Variants in GATC observed in about 807,000 individuals in gnomAD.
The protein encoded by GATC is glutamyl-tRNA amidotransferase subunit C.
A neutral mutation model predicts 14.4 loss-of-function variants in GATC; 11 were observed. The observed-to-expected ratio is 0.77, with a 90% CI of 0.48 to 1.27. The LOEUF (loss-of-function observed/expected upper bound fraction) is 1.27, where lower values mean the gene tolerates loss of function less well. Ranked by LOEUF, GATC falls within the 50% of genes most tolerant of loss-of-function variation. The pLI, the probability that GATC is intolerant of heterozygous loss-of-function variation, is 0.00. For synonymous variants in GATC, 76 were observed against 79.3 expected, an observed-to-expected ratio of 0.96 and a Z score of 0.22; for missense variants, 204 against 183.0, an observed-to-expected ratio of 1.11 and a Z score of -0.66.
At position 120,457,148 on chromosome 12, in the gene GATC, C is replaced by A. The variant is rs763975149; in HGVS notation, c.327C>A (p.Arg109=). 9 of 1,613,896 alleles carry A rather than the reference C, an allele frequency of 5.6e-6. 1 individual carries two copies. The South Asian group carries it at 8.8e-5, about 16-fold the overall frequency. Residue 109 remains arginine (R), a synonymous_variant, in exon 3 of 4, where the codon CGC becomes CGA. Coordinates refer to ENST00000551765, the MANE Select transcript of GATC (RefSeq NM_176818.3). ...ATGAATTACTACAAAACTCCCATCGCGTCGTGGAGGAGTACTTTGTGGCCC... is the reference window on the plus strand; with the variant it reads ...ATGAATTACTACAAAACTCCCATCGAGTCGTGGAGGAGTACTTTGTGGCCC... ...CADELLQNSH[R]VVEEYFVAPP... is the part of the protein sequence containing the mutation.
chr12:120,451,921 A>G (rs950545706), intron 2 of GATC, among the ~76,000 whole-genome samples: 1 of 121,892 alleles, frequency 8.2e-6, no homozygotes, highest in African/African-American at 3.3e-5. Flanking sequence ...TCTGTCGTCC[A>G]GGCTGGATGC....
chr12:120,446,950 C>T, intron 2 of GATC, 121 bp downstream of exon 2: 1 of 882,838 alleles, frequency 1.1e-6, no homozygotes, highest in Non-Finnish European at 1.7e-6. Context: ...AGGAACTTGC[C>T]CACAGTCACC....
At position 120,463,087 on chromosome 12, in the gene GATC, A is replaced by G. The variant is rs1333273665; in HGVS notation, c.*3128A>G. ...GTGTCCCCAAACATCCGTAAATCTC[A>G]TAGTAAGGCAGGACAGGATAACCAG... is the stretch of plus-strand genomic sequence containing the variant. On this transcript the variant is annotated 3_prime_UTR_variant, in exon 4 of 4. Transcript: ENST00000551765. The G allele has an allele frequency of 6.6e-6, 1 of 151,044 alleles. No homozygotes were observed. The highest frequency in any genetic ancestry group is 2.5e-5 in the African/African-American group (1 of 40,782). 9.4% of individuals were successfully genotyped at this position (151,044 alleles called of 1,614,324 possible). A position where few individuals can be genotyped will look rare whatever the true frequency, so the allele number is the denominator to read the frequency against.
Position 120,461,477 on chromosome 12 carries a change from A to G in GATC, c.*1518A>G, listed in dbSNP as rs544420072. The G allele has an allele frequency of 6.6e-6, 1 of 152,314 alleles. No homozygotes were observed. The highest frequency in any genetic ancestry group is 2.1e-4 in the South Asian group (1 of 4,832). The allele number at this position is 152,314 out of a possible 1,614,324, so 9.4% of individuals were successfully genotyped here. The stretch of plus-strand genomic sequence containing the variant: ...TACAAGCTTGGCCTTGAATTAAAAG[A>G]GAACCCAGAACCCGCTCTTGGAGTT... On this transcript the variant is annotated 3_prime_UTR_variant, in exon 4 of 4. Transcript: ENST00000551765.
chr12:120,446,716 C>T lies in GATC; in HGVS notation c.141C>T (p.Asp47=), dbSNP rs1300739484. Residue 47 remains aspartate (D), a synonymous_variant, in exon 2 of 4, where the codon GAC becomes GAT. Transcript: ENST00000551765. ...IEHLERLALV[D]FGSREAVARL... Reference sequence around the variant, plus strand: ...ACCTGGAGCGTCTAGCGCTTGTGGACTTCGGCAGCCGCGAGGCAGTGGCGC... The same window carrying T: ...ACCTGGAGCGTCTAGCGCTTGTGGATTTCGGCAGCCGCGAGGCAGTGGCGC... 3 of 1,613,834 alleles carry T rather than the reference C, an allele frequency of 1.9e-6. No homozygotes were observed. Among genetic ancestry groups the T allele is most frequent in the Non-Finnish European group, 2.5e-6 (3 of 1,180,020 alleles).
At chr12:120,450,099 C>G (rs546354659) in intron 2 of GATC, among the ~76,000 whole-genome samples, 2 of 152,224 alleles carry the variant, frequency 1.3e-5, no homozygotes, top group East Asian at 3.9e-4. Flanking sequence ...AAAGGAGGGA[C>G]TAGAAGCACA....
At chr12:120,458,754 G>A (rs563966840) in intron 3 of GATC, among the ~76,000 whole-genome samples, 1 of 152,186 alleles carries the variant, frequency 6.6e-6, no homozygotes, top group Non-Finnish European at 1.5e-5. Flanking sequence ...GAATCATTCT[G>A]AGCAGACTCC....
chr12:120,457,038 T>C (rs762085725), intron 2 of GATC, 38 bp from the exon 3 acceptor site: 24 of 1,426,676 alleles, frequency 1.7e-5, no homozygotes, highest in Non-Finnish European at 2.2e-5. Flanking sequence ...AAAGCCCCCT[T>C]CTCTGAGAGG....
chr12:120,446,929 T>G (rs1877887403), intron 2 of GATC, 100 bp downstream of exon 2: 2 of 1,230,066 alleles, frequency 1.6e-6, no homozygotes, highest in South Asian at 3.1e-5. Flanking sequence ...TAAAGAGTGT[T>G]AGCAAGATTC....
chr12:120,446,768 G>T lies in GATC; in HGVS notation c.193G>T (p.Asp65Tyr), dbSNP rs146903010. ...ACTGGAGAAAGCTATCGCCTTCGCC[G>T]ACCGGCTACGCGCCGTGGACACAGA... ...ARLEKAIAFA[D>Y]RLRAVDTDGV... Residue 65 changes from aspartate to tyrosine, a missense_variant, in exon 2 of 4, where the codon GAC (aspartate) becomes TAC (tyrosine). Coordinates refer to ENST00000551765, the MANE Select transcript of GATC (RefSeq NM_176818.3). 1.5e-4 allele frequency: 246 copies of T among 1,614,028 alleles called. 2 individuals are homozygous for T. The East Asian group carries it at 3.7e-3, about 24-fold the overall frequency.
At chr12:120,446,871 G>A in intron 2 of GATC, 42 bp downstream of exon 2, 9 of 1,534,278 alleles carry the variant, frequency 5.9e-6, no homozygotes, top group Non-Finnish European at 7.9e-6. Flanking sequence ...ACCGTGGCCC[G>A]TTCGCAGCCG....
chr12:120,448,564 A>G (rs1877942832), intron 2 of GATC, among the ~76,000 whole-genome samples: 1 of 142,082 alleles, frequency 7.0e-6, no homozygotes, highest in African/African-American at 2.6e-5. Flanking sequence ...CCTGGCCTCA[A>G]GTGATCCGCC....
In GATC at chr12:120,457,628, C is replaced by T. The variant is rs973657013; in HGVS notation, c.358+449C>T. 6.2e-5 allele frequency among the ~76,000 whole-genome samples: 7 copies of T among 113,036 alleles called. No individual in the cohort carries two copies. In the East Asian group the frequency reaches 1.3e-3, roughly 21 times the overall value. 74.2% of individuals were successfully genotyped at this position (113,036 alleles called of 152,430 possible). On this transcript the variant is annotated intron_variant, in intron 3 of 3. Transcript: ENST00000551765. ...TTTTTTTTTTTTTTTTTTTTTGAGA[C>T]GGAGTTTCGCTCTTGTTGCCCAGGC...
intron 3 of GATC, among the ~76,000 whole-genome samples, chr12:120,457,391 A>T (rs180726031): frequency 6.6e-6 from 1 of 151,922 alleles, no homozygotes; most frequent in East Asian, 2.0e-4. Flanking sequence ...GATTGGGGGC[A>T]TGCGGGAGGT....
intron 2 of GATC, chr12:120,454,890 T>C (rs113016750): frequency 7.1e-6 from 2 of 280,750 alleles, no homozygotes; most frequent in Non-Finnish European, 1.5e-5. Context: ...CAACTCTCTT[T>C]TGTGTGTGTG....
Position 120,460,658 on chromosome 12 carries a change from TTGAGA to T in GATC, c.*704_*708del, listed in dbSNP as rs1878310120. On this transcript the variant is annotated 3_prime_UTR_variant, in exon 4 of 4. Transcript: ENST00000551765. ...CTCCGCCCCCAAAATGATTATTAAATTGAGATGAGTCCAGGATAAAACTCAGATAC... is the reference window on the plus strand; with the variant it reads ...CTCCGCCCCCAAAATGATTATTAAATTGAGTCCAGGATAAAACTCAGATAC... The T allele has an allele frequency of 6.6e-6, 1 of 152,102 alleles. No homozygotes were observed. The highest frequency in any genetic ancestry group is 1.5e-5 in the Non-Finnish European group (1 of 68,026). The allele number at this position is 152,102 out of a possible 1,614,324, so 9.4% of individuals were successfully genotyped here. A position where few individuals can be genotyped will look rare whatever the true frequency, so the allele number is the denominator to read the frequency against.
At position 120,462,240 on chromosome 12, in the gene GATC, A is replaced by G. The variant is rs1878366165; in HGVS notation, c.*2281A>G. The G allele has an allele frequency of 1.4e-6, 2 of 1,465,252 alleles. No individual in the cohort carries two copies. Among genetic ancestry groups the G allele is most frequent in the Non-Finnish European group, 1.9e-6 (2 of 1,080,988 alleles). The allele number at this position is 1,465,252 out of a possible 1,614,324, so 90.8% of individuals were successfully genotyped here. A position where few individuals can be genotyped will look rare whatever the true frequency, so the allele number is the denominator to read the frequency against. Reference sequence around the variant, plus strand: ...AAGAATAAGCAAACCAACATCTAACAATAATAGTTAAGTATTGAGCACTTA... The same window carrying G: ...AAGAATAAGCAAACCAACATCTAACGATAATAGTTAAGTATTGAGCACTTA... On this transcript the variant is annotated 3_prime_UTR_variant, in exon 4 of 4. Coordinates refer to ENST00000551765, the MANE Select transcript of GATC (RefSeq NM_176818.3).
At chr12:120,448,829 A>G (rs990577043) in intron 2 of GATC, among the ~76,000 whole-genome samples, 5 of 150,654 alleles carry the variant, frequency 3.3e-5, no homozygotes, top group East Asian at 2.0e-4. Context: ...TATTTTTAAT[A>G]GAGACGGGGT....
At chr12:120,454,181 G>C (rs995009529) in intron 2 of GATC, among the ~76,000 whole-genome samples, 4 of 152,176 alleles carry the variant, frequency 2.6e-5, no homozygotes, top group Non-Finnish European at 5.9e-5. Context: ...GACTTTGAAT[G>C]AGTGGTAGGG....
Sources: gnomAD v4.1 joint callset for allele counts (sites outside exome capture counted in the v4.1 genomes callset) on GRCh38, gnomAD v4.1.1 for gene constraint, MANE v1.5 for transcripts, NCBI Gene and HGNC (gene_info 2026-07-23, HGNC 2026-07-21) for gene names.